Variants in MISFA observed in about 807,000 individuals in gnomAD.
MISFA encodes mitochondrial sheath formation-associated protein.
At chr11:18,605,884 G>A in the MISFA span, among the ~76,000 whole-genome samples, 1 of 152,060 alleles carries the variant, frequency 6.6e-6, no homozygotes, top group African/African-American at 2.4e-5. Flanking sequence ...TGCCATGTTG[G>A]CCAGGCTGGT....
chr11:18,603,332 C>G, the MISFA span: 3 of 395,938 alleles, frequency 7.6e-6, no homozygotes, highest in East Asian at 1.1e-4. Context: ...GTTACTGTAG[C>G]TGTTGGGAGG....
At chr11:18,601,245 G>T in the MISFA span, 1 of 398,554 alleles carries the variant, frequency 2.5e-6, no homozygotes, top group South Asian at 1.3e-4. Flanking sequence ...GTAGCACCCT[G>T]AAGTCTCAGT....
chr11:18,600,501 CTGG>C, the MISFA span, among the ~76,000 whole-genome samples: 2 of 139,442 alleles, frequency 1.4e-5, no homozygotes, highest in East Asian at 4.5e-4. Flanking sequence ...CCACGCCTGG[CTGG>C]GGACATCCTT....
chr11:18,603,058 C>T, the MISFA span: 2 of 398,830 alleles, frequency 5.0e-6, no homozygotes, highest in Non-Finnish European at 8.9e-6. Flanking sequence ...GGGAATAGAA[C>T]ACTGCACCTT....
At chr11:18,601,464 T>C in the MISFA span, 12 of 396,626 alleles carry the variant, frequency 3.0e-5, no homozygotes, top group African/African-American at 1.1e-4. Flanking sequence ...TTTTTTTTTT[T>C]CTGAAACAGG....
the MISFA span, chr11:18,606,865 A>G: frequency 2.7e-6 from 1 of 365,306 alleles, no homozygotes; most frequent in Non-Finnish European, 5.1e-6. Context: ...GAGTTCCCAC[A>G]TTCTTTTTTT....
At chr11:18,602,901 G>T in the MISFA span, 49 of 375,624 alleles carry the variant, frequency 1.3e-4, no homozygotes, top group East Asian at 1.9e-3. Flanking sequence ...GGTTGCCAAG[G>T]TTACAGGAGC....
chr11:18,602,845 C>T, the MISFA span: 36 of 321,408 alleles, frequency 1.1e-4, no homozygotes, highest in Non-Finnish European at 1.1e-5. Flanking sequence ...TAACCCAACG[C>T]ATCTAGCACC....
At chr11:18,599,866 A>C in the MISFA span, 1 of 398,550 alleles carries the variant, frequency 2.5e-6, no homozygotes, top group Non-Finnish European at 4.4e-6. Flanking sequence ...CTCCTTTGCC[A>C]AGATCTTGGT....
the MISFA span, among the ~76,000 whole-genome samples, chr11:18,604,849 C>T: frequency 6.6e-6 from 1 of 152,148 alleles, no homozygotes; most frequent in Non-Finnish European, 1.5e-5. Flanking sequence ...AAGATCCAGG[C>T]CTTCTCCCTT....
chr11:18,603,161 C>A, the MISFA span: 1 of 399,054 alleles, frequency 2.5e-6, no homozygotes, highest in Middle Eastern at 6.3e-4. Context: ...ATTGCAGGAA[C>A]CATGTGGAAG....
the MISFA span, among the ~76,000 whole-genome samples, chr11:18,600,864 A>G: frequency 1.5e-3 from 223 of 152,118 alleles, no homozygotes; most frequent in Middle Eastern, 6.8e-3. Context: ...TCCCTTGCAT[A>G]TATAGCTGTA....
At chr11:18,606,043 T>G in the MISFA span, among the ~76,000 whole-genome samples, 1 of 152,190 alleles carries the variant, frequency 6.6e-6, no homozygotes, top group Non-Finnish European at 1.5e-5. Context: ...TCATAAGAGA[T>G]AGGACCCTGC....
At chr11:18,600,025 C>T in the MISFA span, 8 of 398,782 alleles carry the variant, frequency 2.0e-5, no homozygotes, top group African/African-American at 1.6e-4. Flanking sequence ...CTGTAAATCC[C>T]TGGTGGTCAG....
At chr11:18,603,313 T>C in the MISFA span, 1 of 396,824 alleles carries the variant, frequency 2.5e-6, no homozygotes, top group East Asian at 3.6e-5. Context: ...CTTTTATTAT[T>C]TTTTTAAAGT....
chr11:18,601,262 T>C, the MISFA span: 3 of 398,424 alleles, frequency 7.5e-6, 1 homozygote, highest in East Asian at 3.6e-5. Flanking sequence ...CAGTGGAGAA[T>C]GTTTATTCCT....
chr11:18,604,284 A>G, the MISFA span, among the ~76,000 whole-genome samples: 1 of 152,088 alleles, frequency 6.6e-6, no homozygotes, highest in African/African-American at 2.4e-5. Context: ...TAACAGAGAG[A>G]CAGAGGGTGG....
the MISFA span, chr11:18,601,128 C>T: frequency 3.5e-5 from 14 of 398,546 alleles, no homozygotes; most frequent in Non-Finnish European, 6.2e-5. Context: ...GTGGCCTGTT[C>T]AGGAGAGCAA....
the MISFA span, chr11:18,600,126 T>C: frequency 2.5e-6 from 1 of 397,572 alleles, no homozygotes; most frequent in Non-Finnish European, 4.4e-6. Context: ...CAGAATGTGA[T>C]GGGAACAAAG....
Sources: allele counts gnomAD v4.1 joint callset (sites outside exome capture counted in the v4.1 genomes callset), GRCh38; gene constraint gnomAD v4.1.1; transcripts MANE v1.5; gene names NCBI Gene and HGNC (gene_info 2026-07-23, HGNC 2026-07-21).